Variants in CTNNA3 observed in about 807,000 individuals in gnomAD.
CTNNA3 encodes catenin alpha-3.
CTNNA3 carries 76 observed loss-of-function variants against 95.7 expected under a neutral mutation model. That is an observed-to-expected ratio of 0.79 (90% CI 0.66 to 0.96). CTNNA3 has a LOEUF of 0.96. CTNNA3 is among the 40% of genes least tolerant of loss of function. CTNNA3 has a pLI of 0.00. For synonymous variants in CTNNA3, 431 were observed against 374.4 expected (o/e 1.15, Z -1.74); for missense variants, 1,191 against 1,089.8 (o/e 1.09, Z -1.31).
At chr10:67,504,293 A>G (rs970754043) in intron 5 of CTNNA3, among the ~76,000 whole-genome samples, 1 of 151,480 alleles carries the variant, frequency 6.6e-6, no homozygotes, top group Non-Finnish European at 1.5e-5. Context: ...TCTACTAAAA[A>G]TACAAAAAAA....
chr10:66,611,846 C>A (rs987274559), intron 10 of CTNNA3, among the ~76,000 whole-genome samples: 1 of 152,046 alleles, frequency 6.6e-6, no homozygotes, highest in South Asian at 2.1e-4. Context: ...TAAGGTTACG[C>A]CTTTGATTCT....
At chr10:67,221,197 G>A (rs1864634838) in intron 5 of CTNNA3, among the ~76,000 whole-genome samples, 1 of 152,126 alleles carries the variant, frequency 6.6e-6, no homozygotes, top group African/African-American at 2.4e-5. Flanking sequence ...AGTGGCAAAT[G>A]TAAGATACAG....
chr10:66,235,345 T>A (rs1452179953), intron 13 of CTNNA3, among the ~76,000 whole-genome samples: 1 of 151,498 alleles, frequency 6.6e-6, no homozygotes, highest in Non-Finnish European at 1.5e-5. Flanking sequence ...GTATTAAAAA[T>A]AACTATAAAT....
intron 10 of CTNNA3, among the ~76,000 whole-genome samples, chr10:66,549,288 G>T (rs1251488914): frequency 1.3e-5 from 2 of 152,110 alleles, no homozygotes; most frequent in Admixed American, 6.5e-5. Flanking sequence ...GAGCCACCAC[G>T]CCCGGCCGCC....
At chr10:67,387,608 G>A (rs1042833964) in intron 5 of CTNNA3, among the ~76,000 whole-genome samples, 2 of 152,174 alleles carry the variant, frequency 1.3e-5, no homozygotes, top group African/African-American at 4.8e-5. Context: ...CTGGGGGCAG[G>A]GCACAGACAA....
At chr10:67,327,683 T>C (rs1046760993) in intron 5 of CTNNA3, among the ~76,000 whole-genome samples, 2 of 152,070 alleles carry the variant, frequency 1.3e-5, no homozygotes, top group Non-Finnish European at 2.9e-5. Flanking sequence ...TGTTTCAGAG[T>C]GCGATGACAG....
intron 2 of CTNNA3, among the ~76,000 whole-genome samples, chr10:67,632,586 A>C (rs1292960887): frequency 3.3e-5 from 5 of 152,138 alleles, no homozygotes; most frequent in African/African-American, 1.2e-4. Context: ...CACGGAGCCA[A>C]ATGAACCCCC....
At chr10:67,585,267 C>T (rs755059143) in intron 3 of CTNNA3, among the ~76,000 whole-genome samples, 12 of 152,176 alleles carry the variant, frequency 7.9e-5, no homozygotes, top group Non-Finnish European at 1.5e-4. Context: ...AGGATTTTTG[C>T]ATCTCTGTTC....
chr10:66,738,700 T>C (rs1849228694), intron 9 of CTNNA3, among the ~76,000 whole-genome samples: 1 of 152,130 alleles, frequency 6.6e-6, no homozygotes, highest in Admixed American at 6.5e-5. Context: ...TCCATCACTA[T>C]TTCCCTGTGT....
chr10:66,506,789 T>C (rs1000377150), intron 11 of CTNNA3, among the ~76,000 whole-genome samples: 16 of 152,168 alleles, frequency 1.1e-4, no homozygotes, highest in Admixed American at 9.8e-4. Context: ...ATATTTGTAT[T>C]GAACCACTTC....
chr10:66,134,697 T>C (rs1435190914), intron 13 of CTNNA3, among the ~76,000 whole-genome samples: 1 of 152,140 alleles, frequency 6.6e-6, no homozygotes, highest in Non-Finnish European at 1.5e-5. Context: ...GAATTAAGAA[T>C]GGGTATCAGA....
At chr10:67,592,099 A>G (rs1842808301) in intron 3 of CTNNA3, among the ~76,000 whole-genome samples, 1 of 152,054 alleles carries the variant, frequency 6.6e-6, no homozygotes, top group Non-Finnish European at 1.5e-5. Context: ...AACCAATTGA[A>G]TGGTGCTTTT....
At chr10:66,241,033 C>T (rs1187683237) in intron 13 of CTNNA3, among the ~76,000 whole-genome samples, 1 of 143,860 alleles carries the variant, frequency 7.0e-6, no homozygotes, top group Non-Finnish European at 1.5e-5. Context: ...GATTGCCTTA[C>T]ACATAAGAAT....
At chr10:66,148,257 G>T (rs1327947323) in intron 13 of CTNNA3, among the ~76,000 whole-genome samples, 2 of 151,600 alleles carry the variant, frequency 1.3e-5, no homozygotes, top group Non-Finnish European at 2.9e-5. Context: ...GTATAGTATT[G>T]CCTATATTTT....
At chr10:66,503,482 T>C (rs1840347317) in intron 11 of CTNNA3, among the ~76,000 whole-genome samples, 1 of 152,216 alleles carries the variant, frequency 6.6e-6, no homozygotes, top group African/African-American at 2.4e-5. Flanking sequence ...CAGATTTTTT[T>C]TTTTAAGATG....
intron 7 of CTNNA3, among the ~76,000 whole-genome samples, chr10:67,070,349 G>C (rs540642998): frequency 1.3e-5 from 2 of 152,088 alleles, no homozygotes; most frequent in Admixed American, 6.6e-5. Flanking sequence ...CTCTGTGACT[G>C]TCTTTTCATT....
At chr10:65,975,245 A>T (rs963608843) in intron 16 of CTNNA3, among the ~76,000 whole-genome samples, 2 of 152,166 alleles carry the variant, frequency 1.3e-5, no homozygotes, top group Non-Finnish European at 2.9e-5. Context: ...AGACAGAGAC[A>T]CAATCAGACA....
intron 3 of CTNNA3, among the ~76,000 whole-genome samples, chr10:67,594,212 T>A (rs1842868049): frequency 6.6e-6 from 1 of 152,278 alleles, no homozygotes; most frequent in Admixed American, 6.5e-5. Context: ...TGGCCTGAAG[T>A]TTTCTTTTAT....
At chr10:66,060,376 A>G (rs2080169930) in intron 15 of CTNNA3, among the ~76,000 whole-genome samples, 1 of 152,114 alleles carries the variant, frequency 6.6e-6, no homozygotes. Flanking sequence ...TAAGATGGCA[A>G]ACTGACACAT....
Sources: allele counts gnomAD v4.1 joint callset (sites outside exome capture counted in the v4.1 genomes callset), GRCh38; gene constraint gnomAD v4.1.1; transcripts MANE v1.5; gene names NCBI Gene and HGNC (gene_info 2026-07-23, HGNC 2026-07-21).